NAV2: variants seen among roughly 807,000 people sequenced by gnomAD.
The protein encoded by NAV2 is neuron navigator 2, also known as helicase, APC down-regulated 1.
NAV2 carries 54 observed loss-of-function variants against 223.2 expected under a neutral mutation model. The ratio of observed to expected loss-of-function variants is 0.24; its 90% CI spans 0.19 to 0.30. NAV2 has a LOEUF of 0.30. NAV2 is among the 10% of genes least tolerant of loss of function. The pLI, the probability that NAV2 is intolerant of heterozygous loss-of-function variation, is 1.00. For synonymous variants in NAV2, 1,279 were observed against 1,239.3 expected (o/e 1.03, Z -0.67); for missense variants, 2,806 against 3,147.5 (o/e 0.89, Z 2.60).
chr11:19,462,678 G>A (rs550406001), intron 1 of NAV2, among the ~76,000 whole-genome samples: 1 of 152,326 alleles, frequency 6.6e-6, no homozygotes, highest in South Asian at 2.1e-4. Flanking sequence ...ACCCAGAATG[G>A]GGTAGTGATG....
chr11:19,633,427 C>T (rs2047400858), intron 1 of NAV2, among the ~76,000 whole-genome samples: 2 of 152,266 alleles, frequency 1.3e-5, no homozygotes, highest in Admixed American at 1.3e-4. Flanking sequence ...GCGGTGCTCA[C>T]AGCTGCCAGT....
intron 3 of NAV2, among the ~76,000 whole-genome samples, chr11:19,865,560 G>A (rs1377693658): frequency 6.6e-6 from 1 of 152,118 alleles, no homozygotes; most frequent in Admixed American, 6.5e-5. Context: ...CTTGTCAGGA[G>A]TGATTTTTAA....
At chr11:19,644,904 C>T (rs1413294760) in intron 1 of NAV2, among the ~76,000 whole-genome samples, 1 of 152,228 alleles carries the variant, frequency 6.6e-6, no homozygotes, top group African/African-American at 2.4e-5. Flanking sequence ...TGGTATTTTA[C>T]ACCAGTTGCT....
intron 1 of NAV2, among the ~76,000 whole-genome samples, chr11:19,643,170 A>T (rs942172498): frequency 4.6e-5 from 7 of 152,084 alleles, no homozygotes; most frequent in South Asian, 2.1e-4. Context: ...CTTTTTTAAA[A>T]TTTTTTTATT....
At chr11:19,477,834 G>A (rs190329906) in intron 1 of NAV2, among the ~76,000 whole-genome samples, 1 of 152,186 alleles carries the variant, frequency 6.6e-6, no homozygotes, top group South Asian at 2.1e-4. Flanking sequence ...ATTGCCTGAA[G>A]TTTCTCAGCC....
chr11:19,864,060 A>C (rs988539454), intron 3 of NAV2, among the ~76,000 whole-genome samples: 1 of 152,210 alleles, frequency 6.6e-6, no homozygotes, highest in African/African-American at 2.4e-5. Context: ...GCAGGTTCTC[A>C]CTTAGCCTTG....
chr11:20,019,854 T>C lies in NAV2; in HGVS notation c.2769-16105T>C, dbSNP rs1591687350. 2.0e-5 allele frequency among the ~76,000 whole-genome samples: 3 copies of C among 152,090 alleles called. 1 individual carries two copies. The highest frequency in any genetic ancestry group is 2.0e-4 in the Admixed American group (3 of 15,284). ...ATTGGCTTTGGCAAGGAGGAAGCCA[T>C]TGATGTTCTCAGGGAAAAGAGAAAG... On this transcript the variant is annotated intron_variant, in intron 11 of 37. Coordinates refer to ENST00000349880, the MANE Select transcript of NAV2 (RefSeq NM_145117.5).
At chr11:19,408,384 C>T (rs985371508) in intron 1 of NAV2, among the ~76,000 whole-genome samples, 5 of 152,186 alleles carry the variant, frequency 3.3e-5, no homozygotes, top group African/African-American at 1.2e-4. Flanking sequence ...ACCTTGGTTA[C>T]ATCTGAGTAA....
intron 1 of NAV2, among the ~76,000 whole-genome samples, chr11:19,480,734 A>G (rs1005985852): frequency 2.0e-5 from 3 of 152,140 alleles, no homozygotes; most frequent in African/African-American, 4.8e-5. Flanking sequence ...TGCAGAATTG[A>G]TTTGCCATAA....
At chr11:19,648,591 T>C (rs993297057) in intron 1 of NAV2, among the ~76,000 whole-genome samples, 1 of 152,324 alleles carries the variant, frequency 6.6e-6, no homozygotes, top group East Asian at 1.9e-4. Context: ...TGTTGGGTGC[T>C]GGCCTTGGTT....
At chr11:19,788,898 AC>A (rs955416368) in intron 1 of NAV2, among the ~76,000 whole-genome samples, 1 of 151,974 alleles carries the variant, frequency 6.6e-6, no homozygotes, top group African/African-American at 2.4e-5. Context: ...TCATGTAGGT[AC>A]CCCCTGCAAA....
intron 1 of NAV2, among the ~76,000 whole-genome samples, chr11:19,359,380 TGACAGGTGACCTGGAA>T (rs1853802610): frequency 6.6e-6 from 1 of 152,204 alleles, no homozygotes; most frequent in South Asian, 2.1e-4. Flanking sequence ...GGGTCCATGG[TGACAGGTGACCTGGAA>T]GGTCATTTCA....
intron 6 of NAV2, among the ~76,000 whole-genome samples, chr11:19,917,275 G>A (rs535645085): frequency 6.6e-6 from 1 of 152,132 alleles, no homozygotes; most frequent in East Asian, 1.9e-4. Context: ...CCTCCTTGCT[G>A]GTTTCCAAGA....
At chr11:19,724,409 G>A (rs769845957) in intron 1 of NAV2, among the ~76,000 whole-genome samples, 10 of 152,032 alleles carry the variant, frequency 6.6e-5, no homozygotes, top group Admixed American at 3.3e-4. Context: ...CTGGAGTGGC[G>A]TGACCATGGC....
rs56895607 is a variant in NAV2, at chr11:20,074,760, C to CCTTTTTT, written c.4984-2792_4984-2791insCTTTTTT. 7.9e-4 allele frequency among the ~76,000 whole-genome samples: 87 copies of CCTTTTTT among 110,216 alleles called. 3 individuals are homozygous for CCTTTTTT. Among genetic ancestry groups the CCTTTTTT allele is most frequent in the Admixed American group, 1.3e-3 (14 of 10,496 alleles). The allele number at this position is 110,216 out of a possible 152,430, so 72.3% of individuals were successfully genotyped here. ...ATTGGAGACTAGGATTGCAACTCTGCTTTTTTTTTTTTTTTTGCTTTCCAT... is the reference window on the plus strand; with the variant it reads ...ATTGGAGACTAGGATTGCAACTCTGCCTTTTTTTTTTTTTTTTTTTTTTGCTTTCCAT... On this transcript the variant is annotated intron_variant, in intron 22 of 37. Transcript: ENST00000349880.
At chr11:19,796,955 C>T (rs943201243) in intron 1 of NAV2, among the ~76,000 whole-genome samples, 1 of 152,162 alleles carries the variant, frequency 6.6e-6, no homozygotes, top group African/African-American at 2.4e-5. Context: ...CATCCCCTCC[C>T]ATTTCCATAT....
At chr11:19,422,237 G>A (rs999039032) in intron 1 of NAV2, among the ~76,000 whole-genome samples, 3 of 152,162 alleles carry the variant, frequency 2.0e-5, no homozygotes, top group Admixed American at 6.5e-5. Context: ...TCTGGGGGGC[G>A]GGGAGCGGGT....
At chr11:20,068,685 T>G (rs916282488) in intron 22 of NAV2, among the ~76,000 whole-genome samples, 1 of 152,206 alleles carries the variant, frequency 6.6e-6, no homozygotes, top group Non-Finnish European at 1.5e-5. Context: ...GCGAAGTGCT[T>G]ATTAAAATCT....
intron 1 of NAV2, among the ~76,000 whole-genome samples, chr11:19,803,007 GCA>G (rs1355914122): frequency 6.6e-6 from 1 of 152,136 alleles, no homozygotes; most frequent in Non-Finnish European, 1.5e-5. Flanking sequence ...TCATGTTCTT[GCA>G]CAGAGACGGT....
Sources: gnomAD v4.1 joint callset for allele counts (sites outside exome capture counted in the v4.1 genomes callset) on GRCh38, gnomAD v4.1.1 for gene constraint, MANE v1.5 for transcripts, NCBI Gene and HGNC (gene_info 2026-07-23, HGNC 2026-07-21) for gene names.